PCDHGB1: variants seen among roughly 807,000 people sequenced by gnomAD.
PCDHGB1 encodes the protein protocadherin gamma-B1.
A neutral mutation model predicts 56.6 loss-of-function variants in PCDHGB1; 34 were observed. That is an observed-to-expected ratio of 0.60 (90% CI 0.46 to 0.80). The LOEUF is 0.80. Ranked by LOEUF, PCDHGB1 falls within the 30% of genes least tolerant of loss-of-function variation. The pLI, the probability that PCDHGB1 is intolerant of heterozygous loss-of-function variation, is 0.00. For missense variants in PCDHGB1, 1,278 were observed against 1,204.6 expected (o/e 1.06, Z -0.90); for synonymous variants, 561 against 505.9 (o/e 1.11, Z -1.46).
intron 1 of PCDHGB1, chr5:141,384,713 C>T (rs1780398191): frequency 4.3e-6 from 7 of 1,614,104 alleles, no homozygotes; most frequent in Non-Finnish European, 5.9e-6. Context: ...GCCTGGCTGT[C>T]ATACCTCCTG....
chr5:141,441,700 T>TCAAG (rs1409793305), intron 1 of PCDHGB1: 1 of 308,660 alleles, frequency 3.2e-6, no homozygotes, highest in African/African-American at 2.3e-5. Context: ...CCGCGAGCCT[T>TCAAG]CAAGCTCACG....
At chr5:141,411,045 T>G (rs1409162601) in intron 1 of PCDHGB1, 1 of 159,716 alleles carries the variant, frequency 6.3e-6, no homozygotes, top group Non-Finnish European at 1.4e-5. Flanking sequence ...AGACATGGGG[T>G]TTCACTATGT....
At chr5:141,464,056 G>C (rs2154568334) in intron 1 of PCDHGB1, among the ~76,000 whole-genome samples, 1 of 152,210 alleles carries the variant, frequency 6.6e-6, no homozygotes, top group East Asian at 1.9e-4. Context: ...CCTGAGGTCA[G>C]GAGTTCAAGG....
intron 1 of PCDHGB1, chr5:141,388,092 T>C: frequency 8.7e-6 from 12 of 1,373,060 alleles, no homozygotes; most frequent in Non-Finnish European, 1.2e-5. Flanking sequence ...GCGCGTCAGT[T>C]CGGAGAAGCC....
At chr5:141,361,302 T>C (rs1486382277) in intron 1 of PCDHGB1, 1 of 1,613,928 alleles carries the variant, frequency 6.2e-7, no homozygotes, top group African/African-American at 1.3e-5. Flanking sequence ...TGTTGGGAAA[T>C]GCCAAGTTTA....
intron 1 of PCDHGB1, chr5:141,415,749 T>C: frequency 8.2e-7 from 1 of 1,214,000 alleles, no homozygotes; most frequent in Non-Finnish European, 1.1e-6. Flanking sequence ...GGTTTTTTTT[T>C]TTTTTTTTTT....
chr5:141,491,233 G>T lies in PCDHGB1; in HGVS notation c.2410-3574G>T. 1 of 1,614,224 alleles carries T rather than the reference G, an allele frequency of 6.2e-7. No homozygotes were observed. The highest frequency in any genetic ancestry group is 2.2e-5 in the East Asian group (1 of 44,890). On this transcript the variant is annotated intron_variant, in intron 1 of 3. Transcript: ENST00000523390. The surrounding 1 kb of genome is among the most constrained non-coding windows in gnomAD (Gnocchi z 6.9). ...CTCCTCCACAGCCACAGTGCTGCTG[G>T]TTCTGGAGGATGAGGACCCTGAGGA...
In PCDHGB1 at chr5:141,352,330, G is replaced by A; in HGVS notation, c.2070G>A (p.Val690=). 1 of 1,614,056 alleles carries A rather than the reference G, an allele frequency of 6.2e-7. No individual in the cohort carries two copies. The highest frequency in any genetic ancestry group is 8.5e-7 in the Non-Finnish European group (1 of 1,179,906). Residue 690 remains valine, a synonymous_variant, in exon 1 of 4, where the codon GTG becomes GTA. Transcript: ENST00000523390. ...PQTELQFYLV[V]ALALISVLFL... ...CGGAACTGCAGTTTTACCTGGTTGT[G>A]GCCTTGGCCTTGATCTCAGTGCTCT...
intron 1 of PCDHGB1, chr5:141,356,901 C>T (rs757701298): frequency 1.2e-6 from 2 of 1,614,208 alleles, no homozygotes; most frequent in Non-Finnish European, 1.7e-6. Flanking sequence ...ACCCCACCTT[C>T]CCTACTGATG....
At chr5:141,472,010 C>T (rs1305786275) in intron 1 of PCDHGB1, among the ~76,000 whole-genome samples, 1 of 151,978 alleles carries the variant, frequency 6.6e-6, no homozygotes, top group Non-Finnish European at 1.5e-5. Flanking sequence ...CGTATAGGGG[C>T]ACTATATTGT....
intron 1 of PCDHGB1, among the ~76,000 whole-genome samples, chr5:141,474,970 A>C (rs1309289477): frequency 6.6e-6 from 1 of 152,212 alleles, no homozygotes; most frequent in Admixed American, 6.5e-5. Context: ...TAATCATTAT[A>C]ATTTTGTTTG....
At chr5:141,426,029 A>G (rs576464127) in intron 1 of PCDHGB1, among the ~76,000 whole-genome samples, 13 of 152,216 alleles carry the variant, frequency 8.5e-5, no homozygotes, top group Non-Finnish European at 1.9e-4. Flanking sequence ...AAATAGACTC[A>G]GAGCCCTGCT....
At position 141,490,551 on chromosome 5, in the gene PCDHGB1, T is replaced by A; in HGVS notation, c.2410-4256T>A. On this transcript the variant is annotated intron_variant, in intron 1 of 3. Coordinates refer to ENST00000523390, the MANE Select transcript of PCDHGB1 (RefSeq NM_018922.3). This position sits in a 1 kb window ranked among gnomAD's most constrained non-coding sequence, Gnocchi z 5.4. ...CTGGTTCACCTTCCCTACACAAACA[T>A]CTCACCATCAGGCTCAACATTTCAG... is the stretch of plus-strand genomic sequence containing the variant. 1 of 1,614,088 alleles carries A rather than the reference T, an allele frequency of 6.2e-7. No individual in the cohort carries two copies. Among genetic ancestry groups the A allele is most frequent in the East Asian group, 2.2e-5 (1 of 44,874 alleles).
intron 1 of PCDHGB1, chr5:141,374,321 C>T (rs763545631): frequency 8.7e-6 from 14 of 1,613,942 alleles, no homozygotes; most frequent in Non-Finnish European, 5.1e-6. Context: ...TCTGAATCCG[C>T]GAAACGGCAG....
rs561569572 is a variant in PCDHGB1, at chr5:141,512,054, C to A, written c.*881C>A. 6.5e-6 allele frequency: 1 copy of A among 152,828 alleles called. No individual in the cohort carries two copies. The highest frequency in any genetic ancestry group is 1.9e-4 in the East Asian group (1 of 5,184). The allele number at this position is 152,828 out of a possible 1,614,324, so 9.5% of individuals were successfully genotyped here. On this transcript the variant is annotated 3_prime_UTR_variant, in exon 4 of 4. Coordinates refer to ENST00000523390, the MANE Select transcript of PCDHGB1 (RefSeq NM_018922.3). Reference sequence around the variant, plus strand: ...GGAGGCTCTGTATGTCCTCAGGGGACTGACAACATCCTCCAGATTCCAGCC... The same window carrying A: ...GGAGGCTCTGTATGTCCTCAGGGGAATGACAACATCCTCCAGATTCCAGCC...
intron 1 of PCDHGB1, chr5:141,364,361 G>A (rs1763280046): frequency 1.3e-6 from 2 of 1,559,560 alleles, no homozygotes; most frequent in Middle Eastern, 1.7e-4. Context: ...CTGGGGCTGC[G>A]GAGAGCTGCT....
intron 1 of PCDHGB1, chr5:141,383,089 GT>G: frequency 1.2e-6 from 2 of 1,613,932 alleles, no homozygotes; most frequent in Non-Finnish European, 1.7e-6. Context: ...GGAGCGCGGA[GT>G]CCGCATCATC....
intron 1 of PCDHGB1, chr5:141,471,546 G>T (rs1271594387): frequency 6.6e-6 from 1 of 152,202 alleles, no homozygotes; most frequent in African/African-American, 2.4e-5. Flanking sequence ...AGCATTTAAG[G>T]TTGCTTTGAC....
intron 2 of PCDHGB1, among the ~76,000 whole-genome samples, chr5:141,501,333 A>ACACC (rs1186649373): frequency 5.5e-4 from 77 of 140,128 alleles, no homozygotes; most frequent in African/African-American, 6.0e-4. Context: ...ACACACACAC[A>ACACC]CCCCAAACTC....
Sources: gnomAD v4.1 joint callset for allele counts (sites outside exome capture counted in the v4.1 genomes callset) on GRCh38, gnomAD v4.1.1 for gene constraint, Gnocchi (gnomAD v3.1) non-coding constraint, MANE v1.5 for transcripts, NCBI Gene and HGNC (gene_info 2026-07-23, HGNC 2026-07-21) for gene names.